Variants in DTWD2 observed in about 807,000 individuals in gnomAD.
The protein encoded by DTWD2 is DTW motif tRNA-uridine aminocarboxypropyltransferase 2.
Under a neutral mutation model 31.8 loss-of-function variants are expected in DTWD2, and 39 were observed. That is an observed-to-expected ratio of 1.22 (90% CI 0.95 to 1.60). DTWD2 has a LOEUF of 1.60. Among genes scored for constraint, DTWD2 ranks in the 40% most tolerant of loss-of-function variants. The probability of loss-of-function intolerance (pLI) is 0.00; values close to 1 mark genes in which losing one functional copy is unlikely to be tolerated. For missense variants in DTWD2, 515 were observed against 381.5 expected (o/e 1.35, Z -2.92); for synonymous variants, 180 against 142.8 (o/e 1.26, Z -1.86).
chr5:118,918,424 A>G (rs2149574052), intron 4 of DTWD2, among the ~76,000 whole-genome samples: 1 of 151,656 alleles, frequency 6.6e-6, no homozygotes, highest in South Asian at 2.1e-4. Context: ...CCTCCTGGTG[A>G]ACACTAGAGT....
chr5:118,932,272 C>T (rs559531775), intron 3 of DTWD2, among the ~76,000 whole-genome samples: 1 of 149,050 alleles, frequency 6.7e-6, no homozygotes, highest in South Asian at 2.1e-4. Context: ...AGGCCAGGAG[C>T]TCAAGACCAG....
intron 5 of DTWD2, among the ~76,000 whole-genome samples, chr5:118,843,010 G>T (rs1358022466): frequency 6.9e-6 from 1 of 144,256 alleles, no homozygotes. Context: ...AGGCTGGAGT[G>T]CAGTGGCACA....
intron 4 of DTWD2, among the ~76,000 whole-genome samples, chr5:118,863,958 C>T (rs1752324528): frequency 6.6e-6 from 1 of 151,544 alleles, no homozygotes; most frequent in South Asian, 2.1e-4. Context: ...GGCATTAATA[C>T]CAAAGATGGC....
chr5:118,910,335 T>C (rs1374929481), intron 4 of DTWD2, among the ~76,000 whole-genome samples: 1 of 152,214 alleles, frequency 6.6e-6, no homozygotes, highest in Non-Finnish European at 1.5e-5. Flanking sequence ...CACAAATCAC[T>C]AGGACACCAA....
intron 4 of DTWD2, among the ~76,000 whole-genome samples, chr5:118,862,869 T>C (rs1752293990): frequency 1.3e-5 from 2 of 152,326 alleles, no homozygotes; most frequent in Non-Finnish European, 2.9e-5. Flanking sequence ...TAATGAGACA[T>C]AACAGGAAGT....
At chr5:118,931,034 G>C (rs1653952433) in intron 3 of DTWD2, among the ~76,000 whole-genome samples, 2 of 151,530 alleles carry the variant, frequency 1.3e-5, no homozygotes, top group African/African-American at 4.8e-5. Flanking sequence ...AATGGTATGT[G>C]AATTACATCT....
chr5:118,959,131 T>C (rs543997159), intron 1 of DTWD2, among the ~76,000 whole-genome samples: 2 of 152,198 alleles, frequency 1.3e-5, no homozygotes, highest in African/African-American at 4.8e-5. Context: ...ATAAAAGACG[T>C]CCAAATAGGA....
rs183270822 is a variant in DTWD2 at position 118,857,106 on chromosome 5, C to T, written c.598-8888G>A. 4.1e-3 allele frequency among the ~76,000 whole-genome samples: 619 copies of T among 151,720 alleles called. 3 individuals carry two copies. Among genetic ancestry groups the T allele is most frequent in the Non-Finnish European group, 7.2e-3 (488 of 67,908 alleles). On this transcript the variant is annotated intron_variant, in intron 4 of 5. Coordinates refer to ENST00000510708, the MANE Select transcript of DTWD2 (RefSeq NM_173666.4). Reference sequence around the variant, plus strand: ...AGATTTTTACTGTTCATGTTATAAACGAAGAAATGTAGATGCACACGTACA... The same window carrying T: ...AGATTTTTACTGTTCATGTTATAAATGAAGAAATGTAGATGCACACGTACA...
chr5:118,937,684 C>G (rs1017760434), intron 3 of DTWD2, among the ~76,000 whole-genome samples: 1 of 152,176 alleles, frequency 6.6e-6, no homozygotes, highest in African/African-American at 2.4e-5. Context: ...CAGTCTACAA[C>G]CCACAGGGAA....
chr5:118,841,064 A>G lies in DTWD2; in HGVS notation c.750T>C (p.Ala250=). ...CATGCTGAAGTTGAAAGGAGCATAA[A>G]GCTTGAAGAGGGCGAAGCAAAGTCT... ...IQETLLRPLQ[A]LCSFQLQHGA... is the part of the protein sequence containing the mutation. Residue 250 remains alanine (A), a synonymous_variant, in exon 6 of 6, where the codon GCT becomes GCC. Transcript: ENST00000510708. 6.2e-7 allele frequency: 1 copy of G among 1,612,830 alleles called. No homozygotes were observed. The highest frequency in any genetic ancestry group is 1.1e-5 in the South Asian group (1 of 90,922).
chr5:118,869,118 ATGG>A (rs371732780), intron 4 of DTWD2, among the ~76,000 whole-genome samples: 1,785 of 151,700 alleles, frequency 0.012, 30 homozygotes, highest in African/African-American at 0.04. Context: ...GCGAAAATGG[ATGG>A]TGGTGGTGGT....
chr5:118,963,105 T>C (rs1364252246), intron 1 of DTWD2, among the ~76,000 whole-genome samples: 2 of 152,016 alleles, frequency 1.3e-5, no homozygotes, highest in Admixed American at 6.6e-5. Flanking sequence ...CAGTATAAAA[T>C]GGCTAAAAAG....
chr5:118,937,417 T>A (rs1754069291), intron 3 of DTWD2, among the ~76,000 whole-genome samples: 1 of 151,760 alleles, frequency 6.6e-6, no homozygotes, highest in African/African-American at 2.4e-5. Flanking sequence ...ACTATTGTTA[T>A]AAATCTGTTT....
At chr5:118,894,312 T>C (rs1050405548) in intron 4 of DTWD2, among the ~76,000 whole-genome samples, 1 of 152,142 alleles carries the variant, frequency 6.6e-6, no homozygotes, top group Non-Finnish European at 1.5e-5. Context: ...ATCCAACTCC[T>C]AGCAAGATTT....
At chr5:118,841,935 C>T (rs1225295703) in intron 5 of DTWD2, among the ~76,000 whole-genome samples, 3 of 152,064 alleles carry the variant, frequency 2.0e-5, no homozygotes, top group Non-Finnish European at 4.4e-5. Context: ...AAAGAAAAAA[C>T]TGATAGATTT....
rs559518029 is a variant in DTWD2, at chr5:118,917,603, G to A, written c.597+10934C>T. 2.6e-5 allele frequency among the ~76,000 whole-genome samples: 4 copies of A among 152,270 alleles called. No homozygotes were observed. In the South Asian group the frequency reaches 8.3e-4, roughly 32 times the overall value. ...TAGGAAACTTACATTCATGGCAGAA[G>A]GGGAAGCAAACATGTCCTTCACATG... On this transcript the variant is annotated intron_variant, in intron 4 of 5. Transcript: ENST00000510708.
At chr5:118,958,117 T>G (rs1754628404) in intron 1 of DTWD2, among the ~76,000 whole-genome samples, 1 of 152,058 alleles carries the variant, frequency 6.6e-6, no homozygotes, top group African/African-American at 2.4e-5. Context: ...AATATAAGTT[T>G]TCATGTGAAA....
In DTWD2 at chr5:118,965,609, G is replaced by C. The variant is rs148495205; in HGVS notation, c.219-20960C>G. Among the ~76,000 whole-genome samples the C allele has an allele frequency of 1.1e-3, 173 of 152,286 alleles. 1 individual carries two copies. The highest frequency in any genetic ancestry group is 3.9e-3 in the African/African-American group (164 of 41,564). On this transcript the variant is annotated intron_variant, in intron 1 of 5. Transcript: ENST00000510708. ...ATTCTTCTGCCTTGGGATGCTGTTG[G>C]GGTATGGTGTAAGATCTATGACCTT... is the stretch of plus-strand genomic sequence containing the variant.
chr5:118,969,347 G>C (rs1169459690), intron 1 of DTWD2, among the ~76,000 whole-genome samples: 1 of 152,214 alleles, frequency 6.6e-6, no homozygotes, highest in Non-Finnish European at 1.5e-5. Flanking sequence ...GCTTCTTTAA[G>C]CAGGTCCCTG....
Sources: allele counts gnomAD v4.1 joint callset (sites outside exome capture counted in the v4.1 genomes callset), GRCh38; gene constraint gnomAD v4.1.1; transcripts MANE v1.5; gene names NCBI Gene and HGNC (gene_info 2026-07-23, HGNC 2026-07-21).